MTCL2: variants seen among roughly 807,000 people sequenced by gnomAD.
The protein encoded by MTCL2 is microtubule cross-linking factor 2.
the MTCL2 span, chr20:36,785,281 G>A: frequency 1.3e-5 from 13 of 985,278 alleles, no homozygotes; most frequent in Admixed American, 1.2e-4. Flanking sequence ...ATGCCTGCCC[G>A]TGCTGTTAGA....
the MTCL2 span, among the ~76,000 whole-genome samples, chr20:36,824,441 A>G: frequency 6.6e-6 from 1 of 152,120 alleles, no homozygotes; most frequent in Admixed American, 6.5e-5. Flanking sequence ...ATTTGGATGA[A>G]GCATCCAGAA....
the MTCL2 span, among the ~76,000 whole-genome samples, chr20:36,817,902 C>T: frequency 1.2e-4 from 18 of 152,222 alleles, no homozygotes; most frequent in African/African-American, 2.2e-4. Flanking sequence ...GATTCCCCTT[C>T]GGAACTGAGA....
the MTCL2 span, among the ~76,000 whole-genome samples, chr20:36,849,017 T>C: frequency 6.6e-6 from 1 of 151,652 alleles, no homozygotes; most frequent in African/African-American, 2.4e-5. Context: ...TATGTTGTAA[T>C]TTAAAAATAC....
the MTCL2 span, chr20:36,808,632 C>G: frequency 1.2e-6 from 2 of 1,612,534 alleles, no homozygotes; most frequent in Non-Finnish European, 1.7e-6. Flanking sequence ...GACTCCTGCA[C>G]CAGCATGTTC....
the MTCL2 span, among the ~76,000 whole-genome samples, chr20:36,837,610 C>CTCTG: frequency 4.3e-3 from 646 of 151,088 alleles, 8 homozygotes; most frequent in Non-Finnish European, 6.5e-3. Flanking sequence ...CGGAGTCTCA[C>CTCTG]TCTGTCACCC....
chr20:36,783,892 AT>A, the MTCL2 span: 5 of 985,422 alleles, frequency 5.1e-6, no homozygotes, highest in South Asian at 2.3e-4. Context: ...TACATGTAAC[AT>A]TTTCAACCCC....
the MTCL2 span, chr20:36,786,439 C>G: frequency 6.0e-6 from 9 of 1,492,950 alleles, no homozygotes; most frequent in Non-Finnish European, 8.0e-6. Flanking sequence ...TTCCCTTCTG[C>G]TATCCAGGGG....
the MTCL2 span, chr20:36,783,718 C>T: frequency 4.1e-6 from 4 of 977,626 alleles, no homozygotes; most frequent in Non-Finnish European, 4.9e-6. Flanking sequence ...CAGTTTTCTG[C>T]TTTGGGAATG....
At chr20:36,816,169 C>T in the MTCL2 span, 1 of 1,613,710 alleles carries the variant, frequency 6.2e-7, no homozygotes, top group Admixed American at 1.7e-5. Context: ...CTGTCCAGGT[C>T]CCCATAGAGC....
At chr20:36,810,531 T>C in the MTCL2 span, among the ~76,000 whole-genome samples, 1 of 152,302 alleles carries the variant, frequency 6.6e-6, no homozygotes, top group South Asian at 2.1e-4. Flanking sequence ...ACAGTGTCCT[T>C]TATTGTATGT....
At chr20:36,799,557 A>T in the MTCL2 span, among the ~76,000 whole-genome samples, 1 of 152,000 alleles carries the variant, frequency 6.6e-6, no homozygotes, top group East Asian at 1.9e-4. Context: ...GGCATGGTAG[A>T]GTGTGCTCCC....
the MTCL2 span, chr20:36,815,500 T>G: frequency 6.3e-7 from 1 of 1,586,088 alleles, no homozygotes; most frequent in Non-Finnish European, 8.6e-7. The surrounding 1 kb of genome is among the most constrained non-coding windows in gnomAD (Gnocchi z 5.3). Context: ...TCGGCCTCCC[T>G]GGCTCTGCAG....
the MTCL2 span, among the ~76,000 whole-genome samples, chr20:36,820,483 A>C: frequency 6.6e-6 from 1 of 152,210 alleles, no homozygotes; most frequent in African/African-American, 2.4e-5. Context: ...ATGTCCACCA[A>C]CTTTAGAATG....
the MTCL2 span, among the ~76,000 whole-genome samples, chr20:36,818,453 C>T: frequency 1.3e-5 from 2 of 152,098 alleles, no homozygotes; most frequent in Admixed American, 1.3e-4. Flanking sequence ...ATCGTAATTA[C>T]ACATGAGGCT....
At chr20:36,848,775 A>C in the MTCL2 span, among the ~76,000 whole-genome samples, 3 of 152,158 alleles carry the variant, frequency 2.0e-5, no homozygotes, top group African/African-American at 7.2e-5. Flanking sequence ...CTTCCTTTTC[A>C]CTGACCTCTA....
the MTCL2 span, among the ~76,000 whole-genome samples, chr20:36,838,176 G>A: frequency 5.3e-5 from 8 of 151,930 alleles, no homozygotes; most frequent in East Asian, 1.9e-4. Context: ...TCAGCCTCCC[G>A]AGTAGCTGGG....
At chr20:36,803,029 C>T in the MTCL2 span, 2 of 1,603,150 alleles carry the variant, frequency 1.2e-6, no homozygotes, top group African/African-American at 1.3e-5. Flanking sequence ...TGCTGCTGCT[C>T]CTCACGCTCC....
the MTCL2 span, among the ~76,000 whole-genome samples, chr20:36,787,749 G>C: frequency 5.3e-5 from 8 of 151,398 alleles, no homozygotes; most frequent in South Asian, 1.7e-3. Flanking sequence ...AGCTGGGCAT[G>C]GTGGCATGCG....
the MTCL2 span, among the ~76,000 whole-genome samples, chr20:36,856,619 C>T: frequency 6.6e-6 from 1 of 152,226 alleles, no homozygotes; most frequent in Non-Finnish European, 1.5e-5. Context: ...CTTCTGACTT[C>T]AAGACCTACC....
Sources: gnomAD v4.1 joint callset for allele counts (sites outside exome capture counted in the v4.1 genomes callset) on GRCh38, gnomAD v4.1.1 for gene constraint, Gnocchi (gnomAD v3.1) non-coding constraint, MANE v1.5 for transcripts, NCBI Gene and HGNC (gene_info 2026-07-23, HGNC 2026-07-21) for gene names.